NCOA2: variants seen among roughly 807,000 people sequenced by gnomAD.
NCOA2 encodes class E basic helix-loop-helix protein 75.
NCOA2 carries 21 observed loss-of-function variants against 145.1 expected under a neutral mutation model. The observed-to-expected ratio is 0.14, with a 90% CI of 0.10 to 0.21. The LOEUF (loss-of-function observed/expected upper bound fraction) is 0.21, where lower values mean the gene tolerates loss of function less well. Ranked by LOEUF, NCOA2 falls within the 10% of genes least tolerant of loss-of-function variation. The probability of loss-of-function intolerance (pLI) is 1.00; values close to 1 mark genes in which losing one functional copy is unlikely to be tolerated. For synonymous variants in NCOA2, 619 were observed against 637.5 expected, an observed-to-expected ratio of 0.97 and a Z score of 0.44; for missense variants, 1,472 against 1,837.6, an observed-to-expected ratio of 0.80 and a Z score of 3.64.
intron 1 of NCOA2, among the ~76,000 whole-genome samples, chr8:70,337,109 T>G (rs1203513321): frequency 3.3e-5 from 5 of 151,932 alleles, no homozygotes; most frequent in Non-Finnish European, 7.4e-5. Flanking sequence ...CAAAATAAAC[T>G]CATTAATGTT....
intron 1 of NCOA2, among the ~76,000 whole-genome samples, chr8:70,342,127 G>C (rs1037454236): frequency 6.6e-6 from 1 of 152,130 alleles, no homozygotes; most frequent in African/African-American, 2.4e-5. Context: ...ACATGCGTAA[G>C]GAATTATTCA....
the NCOA2 span, among the ~76,000 whole-genome samples, chr8:70,429,046 C>A: frequency 1.3e-5 from 2 of 152,244 alleles, no homozygotes; most frequent in East Asian, 3.9e-4. Context: ...TCACAAATTT[C>A]AAAATACCAA....
chr8:70,194,559 T>C (rs192557294), intron 4 of NCOA2, among the ~76,000 whole-genome samples: 8 of 152,208 alleles, frequency 5.3e-5, no homozygotes, highest in East Asian at 1.9e-4. Flanking sequence ...TCTGCTCACA[T>C]AGGGGTACAA....
chr8:70,168,258 C>T (rs1813854176), intron 6 of NCOA2, among the ~76,000 whole-genome samples: 1 of 152,166 alleles, frequency 6.6e-6, no homozygotes, highest in African/African-American at 2.4e-5. Context: ...CAGAAAAACC[C>T]ATAACTAGCT....
chr8:70,238,414 A>C (rs1406938073), intron 2 of NCOA2, among the ~76,000 whole-genome samples: 1 of 103,034 alleles, frequency 9.7e-6, no homozygotes, highest in Non-Finnish European at 1.9e-5. Context: ...CAGAGGAGAA[A>C]ACAGATTCAG....
Position 70,121,369 on chromosome 8 carries a change from C to T in NCOA2, c.4316G>A (p.Gly1439Glu). 6.2e-7 allele frequency: 1 copy of T among 1,612,076 alleles called. No individual in the cohort carries two copies. Among genetic ancestry groups the T allele is most frequent in the Non-Finnish European group, 8.5e-7 (1 of 1,179,000 alleles). ...CAGCTGGTTTGGGAACAGGTTGCCT[C>T]CCCTCAGAGCAGGATCATTAACCTA... ...PEQVNDPALR[G>E]GNLFPNQLPG... The change falls in exon 22 of 23, where the codon GGA becomes GAA. Residue 1439 changes from glycine (G) to glutamate (E), a missense_variant. By Grantham distance (98) the Gly-to-Glu change is moderately conservative (BLOSUM62 -2). Around this residue, in one of 4 missense-constraint regions of NCOA2, gnomAD observed 232 missense variants for 290.6 expected, o/e 0.80. Coordinates refer to ENST00000452400, the MANE Select transcript of NCOA2 (RefSeq NM_006540.4).
In NCOA2 at chr8:70,119,874, T is replaced by G. The variant is rs569698320; in HGVS notation, c.4383+1428A>C. Among the ~76,000 whole-genome samples, 148 of 123,848 alleles carry G rather than the reference T, an allele frequency of 1.2e-3. 3 individuals are homozygous for G. The South Asian group carries it at 0.02, about 17-fold the overall frequency. The allele number at this position is 123,848 out of a possible 152,430, so 81.2% of individuals were successfully genotyped here. On this transcript the variant is annotated intron_variant, in intron 22 of 22. Transcript: ENST00000452400. ...GAAATTATTCATGTCCTTTGTCCAC[T>G]TTTTTTTTTTTTTGAGATGGAGTCT...
rs73291125 is a variant in NCOA2 at position 70,234,349 on chromosome 8, T to C, written c.-19-17585A>G. On this transcript the variant is annotated intron_variant, in intron 2 of 22. Coordinates refer to ENST00000452400, the MANE Select transcript of NCOA2 (RefSeq NM_006540.4). ...GTGTACAAGTTTTTACACAGATGTA[T>C]GCTTTCCATTCTCTTGGATATATAG... Among the ~76,000 whole-genome samples, 929 of 152,348 alleles carry C rather than the reference T, an allele frequency of 6.1e-3. 8 individuals carry two copies. The highest frequency in any genetic ancestry group is 0.022 in the African/African-American group (898 of 41,582).
intron 2 of NCOA2, among the ~76,000 whole-genome samples, chr8:70,286,183 T>C (rs537928480): frequency 7.2e-5 from 11 of 151,996 alleles, no homozygotes; most frequent in Middle Eastern, 6.8e-3. Flanking sequence ...GAGGCTGAGG[T>C]GGGAGGATCA....
chr8:70,255,349 A>G (rs1488156640), intron 2 of NCOA2, among the ~76,000 whole-genome samples: 2 of 152,264 alleles, frequency 1.3e-5, no homozygotes, highest in African/African-American at 4.8e-5. Context: ...AAACAAGAGA[A>G]ACTCACAAAA....
intron 22 of NCOA2, among the ~76,000 whole-genome samples, chr8:70,119,729 T>C (rs189854437): frequency 9.6e-4 from 147 of 152,362 alleles, no homozygotes; most frequent in African/African-American, 3.2e-3. Context: ...TTTTTAATAA[T>C]AGCCATTCTG....
chr8:70,273,521 A>G (rs917457841), intron 2 of NCOA2: 2 of 687,480 alleles, frequency 2.9e-6, no homozygotes, highest in Non-Finnish European at 5.1e-6. Context: ...GAAGTTAGAA[A>G]TCTCTGGCAT....
At chr8:70,232,092 C>G (rs1821190965) in intron 2 of NCOA2, among the ~76,000 whole-genome samples, 1 of 152,192 alleles carries the variant, frequency 6.6e-6, no homozygotes, top group Admixed American at 6.5e-5. Flanking sequence ...TTACGCAGTA[C>G]TGTTTCCATT....
chr8:70,416,301 A>G, the NCOA2 span, among the ~76,000 whole-genome samples: 1 of 151,904 alleles, frequency 6.6e-6, no homozygotes. Flanking sequence ...CAACATCTAG[A>G]CTAGTGTTTG....
At chr8:70,232,899 A>G (rs1393277518) in intron 2 of NCOA2, among the ~76,000 whole-genome samples, 1 of 152,116 alleles carries the variant, frequency 6.6e-6, no homozygotes, top group Non-Finnish European at 1.5e-5. Context: ...ACACGTGCGT[A>G]GATATACATA....
chr8:70,329,043 C>T (rs1184684789), intron 1 of NCOA2, among the ~76,000 whole-genome samples: 1 of 152,076 alleles, frequency 6.6e-6, no homozygotes, highest in Non-Finnish European at 1.5e-5. Flanking sequence ...ACAGCCTGAA[C>T]TCCTGGGCTC....
the NCOA2 span, among the ~76,000 whole-genome samples, chr8:70,434,024 C>A: frequency 6.6e-6 from 1 of 152,060 alleles, no homozygotes; most frequent in African/African-American, 2.4e-5. Context: ...TGTGTGTTGT[C>A]ATCGAAATCA....
At chr8:70,239,741 A>G (rs1821958601) in intron 2 of NCOA2, among the ~76,000 whole-genome samples, 1 of 152,210 alleles carries the variant, frequency 6.6e-6, no homozygotes, top group Non-Finnish European at 1.5e-5. Flanking sequence ...TGGGATAATT[A>G]AGAGAGAGAA....
intron 4 of NCOA2, among the ~76,000 whole-genome samples, chr8:70,184,784 T>C (rs1470319708): frequency 6.6e-6 from 1 of 152,206 alleles, no homozygotes; most frequent in Non-Finnish European, 1.5e-5. Context: ...CCCTCATTTC[T>C]ATGAAGCTTG....
Sources: allele counts gnomAD v4.1 joint callset (sites outside exome capture counted in the v4.1 genomes callset), GRCh38; gene constraint gnomAD v4.1.1; regional missense constraint gnomAD v4.1.1; transcripts MANE v1.5; gene names NCBI Gene and HGNC (gene_info 2026-07-23, HGNC 2026-07-21).